The following BCKDK variants were observed in gnomAD, a reference collection of about 807,000 sequenced individuals.
BCKDK encodes branched-chain alpha-ketoacid dehydrogenase kinase.
Under a neutral mutation model 43.9 loss-of-function variants are expected in BCKDK, and 28 were observed. The ratio of observed to expected loss-of-function variants is 0.64; its 90% CI spans 0.47 to 0.87. BCKDK has a LOEUF of 0.87. BCKDK is among the 40% of genes least tolerant of loss of function. The pLI, the probability that BCKDK is intolerant of heterozygous loss-of-function variation, is 0.00. For synonymous variants in BCKDK, 257 were observed against 234.3 expected (o/e 1.10, Z -0.88); for missense variants, 483 against 581.4 (o/e 0.83, Z 1.74).
Position 31,110,179 on chromosome 16 carries a change from C to G in BCKDK, c.424-26C>G. 2 of 1,614,146 alleles carry G rather than the reference C, an allele frequency of 1.2e-6. No individual in the cohort carries two copies. Among genetic ancestry groups the G allele is most frequent in the Non-Finnish European group, 1.7e-6 (2 of 1,180,022 alleles). On this transcript the variant is annotated intron_variant, in intron 5 of 11. Transcript: ENST00000219794. This position sits in a 1 kb window ranked among gnomAD's most constrained non-coding sequence, Gnocchi z 5.4. Reference sequence around the variant, plus strand: ...GCTGAGAGGTTGGGCTTGGACCACCCTTCCTCATGACTCTGTGACCTGCAG... The same window carrying G: ...GCTGAGAGGTTGGGCTTGGACCACCGTTCCTCATGACTCTGTGACCTGCAG...
rs750237108 is a variant in BCKDK, at chr16:31,109,825, C to T, written c.375+42C>T. The T allele has an allele frequency of 3.8e-6, 6 of 1,593,970 alleles. No individual in the cohort carries two copies. Among genetic ancestry groups the T allele is most frequent in the African/African-American group, 1.3e-5 (1 of 74,470 alleles). On this transcript the variant is annotated intron_variant, in intron 4 of 11. Coordinates refer to ENST00000219794, the MANE Select transcript of BCKDK (RefSeq NM_005881.4). This position sits in a 1 kb window ranked among gnomAD's most constrained non-coding sequence, Gnocchi z 5.3. ...CTTAGGTCAGCGGGCCACCCTGCCCCGGGGGCAAGTGGGGAGTCTGGGGCC... is the reference window on the plus strand; with the variant it reads ...CTTAGGTCAGCGGGCCACCCTGCCCTGGGGGCAAGTGGGGAGTCTGGGGCC...
downstream of BCKDK, among the ~76,000 whole-genome samples, chr16:31,116,928 AG>A (rs761173212): frequency 6.3e-3 from 172 of 27,280 alleles, no homozygotes; most frequent in African/African-American, 0.011. Context: ...AAAAAAAAAA[AG>A]GGGGGGGGGC....
downstream of BCKDK, among the ~76,000 whole-genome samples, chr16:31,114,682 A>C (rs910758802): frequency 6.6e-6 from 1 of 152,088 alleles, no homozygotes. Flanking sequence ...TTTGCAATAC[A>C]CTTGTATATT....
chr16:31,110,464 T>G lies in BCKDK; in HGVS notation c.607T>G (p.Leu203Val). Reference sequence around the variant, plus strand: ...GACTTCGAGGCTTGGAATCCGCATGTTGGCCACGCATCACCTGGCGCTGCA... The same window carrying G: ...GACTTCGAGGCTTGGAATCCGCATGGTGGCCACGCATCACCTGGCGCTGCA... ...TLTSRLGIRM[L>V]ATHHLALHED... The change falls in exon 7 of 12, where the codon TTG (leucine) becomes GTG (valine). Residue 203 changes from leucine (L) to valine (V), a missense_variant. Physicochemically the swap from Leu to Val is conservative, Grantham distance 32. Coordinates refer to ENST00000219794, the MANE Select transcript of BCKDK (RefSeq NM_005881.4). The surrounding 1 kb of genome is among the most constrained non-coding windows in gnomAD (Gnocchi z 5.4). 6.2e-7 allele frequency: 1 copy of G among 1,613,872 alleles called. No homozygotes were observed. Among genetic ancestry groups the G allele is most frequent in the Non-Finnish European group, 8.5e-7 (1 of 1,180,010 alleles).
chr16:31,113,085 G>A (rs866183214), downstream of BCKDK, among the ~76,000 whole-genome samples: 1 of 152,270 alleles, frequency 6.6e-6, no homozygotes, highest in Admixed American at 6.5e-5. Context: ...TTTGGGCAAA[G>A]ATATCAGGTA....
At position 31,109,258 on chromosome 16, in the gene BCKDK, G is replaced by A. The variant is rs781749593; in HGVS notation, c.35G>A (p.Gly12Glu). The A allele has an allele frequency of 7.7e-6, 12 of 1,554,370 alleles. No individual in the cohort carries two copies. In the Admixed American group the frequency reaches 2.4e-4, roughly 31 times the overall value. The stretch of plus-strand genomic sequence containing the variant: ...GCGTCGGTGCTGAGGAGCGGTCCCG[G>A]GGGCGGGCTTCCGCTCCGGCCCCTC... ...ILASVLRSGP[G>E]GGLPLRPLLG... The change falls in exon 2 of 12, where the codon GGG (glycine) becomes GAG (glutamate). Residue 12 changes from glycine to glutamate, a missense_variant. Physicochemically the swap from Gly to Glu is moderately conservative, Grantham distance 98. Transcript: ENST00000219794. The surrounding 1 kb of genome is among the most constrained non-coding windows in gnomAD (Gnocchi z 5.3).
At chr16:31,114,285 G>GGCC (rs2057433775), downstream of BCKDK, among the ~76,000 whole-genome samples, 1 of 84,138 alleles carries the variant, frequency 1.2e-5, no homozygotes. Context: ...TGCAACCTCC[G>GGCC]CCCCACCCCC....
Position 31,110,066 on chromosome 16 carries a change from C to T in BCKDK, c.376-11C>T. 1 of 1,614,200 alleles carries T rather than the reference C, an allele frequency of 6.2e-7. No homozygotes were observed. The highest frequency in any genetic ancestry group is 1.1e-5 in the South Asian group (1 of 91,088). Reference sequence around the variant, plus strand: ...TGCGGCTTTGTGAATTCCCACACCTCTTCCTTGCAGCATGAGCTATATATC... The same window carrying T: ...TGCGGCTTTGTGAATTCCCACACCTTTTCCTTGCAGCATGAGCTATATATC... On this transcript the variant is annotated splice_polypyrimidine_tract_variant and intron_variant, in intron 4 of 11. Coordinates refer to ENST00000219794, the MANE Select transcript of BCKDK (RefSeq NM_005881.4). The surrounding 1 kb of genome is among the most constrained non-coding windows in gnomAD (Gnocchi z 5.4).
chr16:31,109,882 G>A lies in BCKDK; in HGVS notation c.375+99G>A. 2 of 1,417,102 alleles carry A rather than the reference G, an allele frequency of 1.4e-6. No individual in the cohort carries two copies. Among genetic ancestry groups the A allele is most frequent in the Non-Finnish European group, 2.0e-6 (2 of 1,010,032 alleles). 87.8% of individuals were successfully genotyped at this position (1,417,102 alleles called of 1,614,324 possible). On this transcript the variant is annotated intron_variant, in intron 4 of 11. Transcript: ENST00000219794. This position sits in a 1 kb window ranked among gnomAD's most constrained non-coding sequence, Gnocchi z 5.3. ...GGCAGACGATTGCTTGCCTAAAGGT[G>A]TCAGGGCCACACAGGATTCAACCCC...
rs1567428269 is a variant in BCKDK, at chr16:31,109,562, G to A, written c.247G>A (p.Asp83Asn). The A allele has an allele frequency of 5.6e-6, 9 of 1,614,122 alleles. No homozygotes were observed. Among genetic ancestry groups the A allele is most frequent in the Non-Finnish European group, 7.6e-6 (9 of 1,180,026 alleles). ...GATGCTCTACGCTGGCCGCTCTCAG[G>A]ACGGCAGCCACCTTCTGGTAAGATT... The part of the protein sequence containing the change: ...TMMLYAGRSQ[D>N]GSHLLKSARY... Residue 83 changes from aspartate to asparagine, a missense_variant, in exon 3 of 12, where the codon GAC (aspartate) becomes AAC (asparagine). Physicochemically the swap from Asp to Asn is conservative, Grantham distance 23. Transcript: ENST00000219794. This position sits in a 1 kb window ranked among gnomAD's most constrained non-coding sequence, Gnocchi z 5.3.
At chr16:31,113,850 A>G (rs2057431149), downstream of BCKDK, among the ~76,000 whole-genome samples, 1 of 152,082 alleles carries the variant, frequency 6.6e-6, no homozygotes, top group Non-Finnish European at 1.5e-5. Context: ...GTGATTTCTT[A>G]AGAAAGTGCT....
In BCKDK at chr16:31,109,127, C is replaced by A; in HGVS notation, c.-97C>A. 8.8e-7 allele frequency: 1 copy of A among 1,139,540 alleles called. No homozygotes were observed. The highest frequency in any genetic ancestry group is 1.2e-6 in the Non-Finnish European group (1 of 852,128). The allele number at this position is 1,139,540 out of a possible 1,614,324, so 70.6% of individuals were successfully genotyped here. A position where few individuals can be genotyped will look rare whatever the true frequency, so the allele number is the denominator to read the frequency against. On this transcript the variant is annotated 5_prime_UTR_variant, in exon 2 of 12. Coordinates refer to ENST00000219794, the MANE Select transcript of BCKDK (RefSeq NM_005881.4). The surrounding 1 kb of genome is among the most constrained non-coding windows in gnomAD (Gnocchi z 5.3). ...CCTGAAGTCGGAGAAGAGCCCCTAC[C>A]CACCCACACCCCCTTGCCCCATTTT...
In BCKDK at chr16:31,110,725, C is replaced by T; in HGVS notation, c.680C>T (p.Pro227Leu). 1 of 1,614,080 alleles carries T rather than the reference C, an allele frequency of 6.2e-7. No homozygotes were observed. Among genetic ancestry groups the T allele is most frequent in the African/African-American group, 1.3e-5 (1 of 75,010 alleles). Residue 227 changes from proline to leucine, a missense_variant, in exon 8 of 12, where the codon CCA becomes CTA. By Grantham distance (98) the Pro-to-Leu change is moderately conservative. Coordinates refer to ENST00000219794, the MANE Select transcript of BCKDK (RefSeq NM_005881.4). The surrounding 1 kb of genome is among the most constrained non-coding windows in gnomAD (Gnocchi z 5.4). ...FVGIICTRLS[P>L]KKIIEKWVDF... ...GGCATCATCTGTACTCGTCTCTCACCAAAGAAGATTATTGAGAAGTGGGTG... is the reference window on the plus strand; with the variant it reads ...GGCATCATCTGTACTCGTCTCTCACTAAAGAAGATTATTGAGAAGTGGGTG...
rs1275541809 is a variant in BCKDK, at chr16:31,112,731, T to C, written c.*466T>C. On this transcript the variant is annotated 3_prime_UTR_variant, in exon 12 of 12. Coordinates refer to ENST00000219794, the MANE Select transcript of BCKDK (RefSeq NM_005881.4). This position sits in a 1 kb window ranked among gnomAD's most constrained non-coding sequence, Gnocchi z 5.0. The stretch of plus-strand genomic sequence containing the variant: ...GGTCCCAAGTCTGTTGCATGTTTGA[T>C]TTGGTGGGAGTGGGATGACTGCAGC... 1 of 313,150 alleles carries C rather than the reference T, an allele frequency of 3.2e-6. No individual in the cohort carries two copies. The highest frequency in any genetic ancestry group is 6.2e-6 in the Non-Finnish European group (1 of 161,860). The allele number at this position is 313,150 out of a possible 1,614,324, so 19.4% of individuals were successfully genotyped here.
chr16:31,114,966 C>G (rs150417244), downstream of BCKDK, among the ~76,000 whole-genome samples: 186 of 152,136 alleles, frequency 1.2e-3, 1 homozygote, highest in East Asian at 0.016. Flanking sequence ...GTTGTGTCGG[C>G]CAGGTTGGAG....
downstream of BCKDK, chr16:31,117,369 A>AAGATAAATAAATAAATAAATAAAT (rs2057453688): frequency 6.8e-6 from 1 of 146,364 alleles, no homozygotes; most frequent in South Asian, 2.7e-4. Flanking sequence ...ATTCCGTCTC[A>AAGATAAATAAATAAATAAATAAAT]AAATAAATAA....
downstream of BCKDK, among the ~76,000 whole-genome samples, chr16:31,116,781 G>A (rs1371182851): frequency 6.6e-6 from 1 of 151,846 alleles, no homozygotes; most frequent in Non-Finnish European, 1.5e-5. Flanking sequence ...GCCGGGCGTG[G>A]TGGCGCGCGA....
At chr16:31,114,959 G>A (rs890520385), downstream of BCKDK, among the ~76,000 whole-genome samples, 2 of 151,674 alleles carry the variant, frequency 1.3e-5, no homozygotes, top group African/African-American at 4.9e-5. Flanking sequence ...GAGTCTTGTT[G>A]TGTCGGCCAG....
At position 31,109,176 on chromosome 16, in the gene BCKDK, A is replaced by AAG; in HGVS notation, c.-48_-47insAG. 1 of 1,458,994 alleles carries AAG rather than the reference A, an allele frequency of 6.9e-7. No homozygotes were observed. 90.4% of individuals were successfully genotyped at this position (1,458,994 alleles called of 1,614,324 possible). ...TTGGGTCGCCTGGGTCCTCAGTCCT[A>AAG]GCGGATCCTCAGTCCTAGCGGCCAC... On this transcript the variant is annotated 5_prime_UTR_variant, in exon 2 of 12. Coordinates refer to ENST00000219794, the MANE Select transcript of BCKDK (RefSeq NM_005881.4). The surrounding 1 kb of genome is among the most constrained non-coding windows in gnomAD (Gnocchi z 5.3).
Sources: gnomAD v4.1 joint callset for allele counts (sites outside exome capture counted in the v4.1 genomes callset) on GRCh38, gnomAD v4.1.1 for gene constraint, Gnocchi (gnomAD v3.1) non-coding constraint, MANE v1.5 for transcripts, NCBI Gene and HGNC (gene_info 2026-07-23, HGNC 2026-07-21) for gene names.